RPA1: variants seen among roughly 807,000 people sequenced by gnomAD.
RPA1 encodes the protein replication protein A1.
RPA1 carries 49 observed loss-of-function variants against 83.0 expected under a neutral mutation model. The ratio of observed to expected loss-of-function variants is 0.59; its 90% CI spans 0.47 to 0.75. The LOEUF (loss-of-function observed/expected upper bound fraction) is 0.75. RPA1 is among the 30% of genes least tolerant of loss of function. The probability of loss-of-function intolerance (pLI) is 0.00; values close to 1 mark genes in which losing one functional copy is unlikely to be tolerated. For missense variants in RPA1, 693 were observed against 776.1 expected, an observed-to-expected ratio of 0.89 and a Z score of 1.27; for synonymous variants, 279 against 281.8, an observed-to-expected ratio of 0.99 and a Z score of 0.10.
chr17:1,877,467 C>T (rs370128129), intron 8 of RPA1, among the ~76,000 whole-genome samples, 153 bp downstream of exon 8: 4 of 152,118 alleles, frequency 2.6e-5, no homozygotes, highest in South Asian at 2.1e-4. Flanking sequence ...CTCAGCTCTG[C>T]GGGCCTATGA....
chr17:1,832,284 A>G (rs1436871727), intron 1 of RPA1, among the ~76,000 whole-genome samples: 3 of 151,816 alleles, frequency 2.0e-5, no homozygotes, highest in African/African-American at 7.3e-5. Flanking sequence ...ACTCTTCCCC[A>G]CACTGGCAAA....
intron 2 of RPA1, among the ~76,000 whole-genome samples, chr17:1,843,508 T>C (rs1376057827): frequency 1.3e-5 from 2 of 151,960 alleles, no homozygotes; most frequent in Non-Finnish European, 1.5e-5. Flanking sequence ...TCCACCCCAG[T>C]TGTTAGCTCC....
At chr17:1,895,193 C>T in intron 16 of RPA1, 98 bp downstream of exon 16, 2 of 894,958 alleles carry the variant, frequency 2.2e-6, no homozygotes, top group South Asian at 1.6e-5. Context: ...TTACTGTACT[C>T]ACTGCCAGAC....
rs185034591 is a variant in RPA1 at position 1,834,188 on chromosome 17, A to T, written c.33+4062A>T. On this transcript the variant is annotated intron_variant, in intron 1 of 16. Transcript: ENST00000254719. ...GAGTGAGACTGTCTCAAAAAAAAAT[A>T]AAGAATGATCATGGAGATATTTAAA... 2.3e-3 allele frequency among the ~76,000 whole-genome samples: 354 copies of T among 152,266 alleles called. 3 individuals are homozygous for T. The highest frequency in any genetic ancestry group is 1.9e-3 in the Non-Finnish European group (132 of 68,012).
rs182082744 is a variant in RPA1, at chr17:1,838,702, C to T, written c.34-4101C>T. ...CAGAAGTTTTATAGTTTTCGCTTTG[C>T]CTTGTGGTCTGTAATGCATTTCAAG... is the stretch of plus-strand genomic sequence containing the variant. On this transcript the variant is annotated intron_variant, in intron 1 of 16. Coordinates refer to ENST00000254719, the MANE Select transcript of RPA1 (RefSeq NM_002945.5). Among the ~76,000 whole-genome samples the T allele has an allele frequency of 5.3e-5, 8 of 151,902 alleles. No individual in the cohort carries two copies. The East Asian group carries it at 9.7e-4, about 18-fold the overall frequency.
At position 1,846,411 on chromosome 17, in the gene RPA1, G is replaced by A. The variant is rs565657949; in HGVS notation, c.272+1725G>A. ...GGGCTCACTGTAGCCTTGACCTCCC[G>A]GGCTCAGGTGATTCTCCCACCTCAG... On this transcript the variant is annotated intron_variant, in intron 4 of 16. Coordinates refer to ENST00000254719, the MANE Select transcript of RPA1 (RefSeq NM_002945.5). 7.9e-5 allele frequency among the ~76,000 whole-genome samples: 11 copies of A among 139,152 alleles called. 1 individual carries two copies. The East Asian group carries it at 2.4e-3, about 31-fold the overall frequency. The allele number at this position is 139,152 out of a possible 152,430, so 91.3% of individuals were successfully genotyped here. A position where few individuals can be genotyped will look rare whatever the true frequency, so the allele number is the denominator to read the frequency against.
intron 1 of RPA1, among the ~76,000 whole-genome samples, chr17:1,831,141 C>T (rs1300350245): frequency 6.6e-6 from 1 of 152,180 alleles, no homozygotes; most frequent in Non-Finnish European, 1.5e-5. Flanking sequence ...CACCTTTACT[C>T]TAAAAGACAA....
Position 1,851,249 on chromosome 17 carries a change from ATATGTGCGTGTG to A in RPA1, c.273-1839_273-1828del, listed in dbSNP as rs560097973. 2.2e-3 allele frequency among the ~76,000 whole-genome samples: 321 copies of A among 145,346 alleles called. 1 individual carries two copies. The highest frequency in any genetic ancestry group is 3.5e-3 in the Non-Finnish European group (234 of 66,338). ...CCGTGTTGTATTTCCATCTTGTTGT[ATATGTGCGTGTG>A]TATGTGCGTGTGCGTGTGTGTGTGT... On this transcript the variant is annotated intron_variant, in intron 4 of 16. Transcript: ENST00000254719.
intron 1 of RPA1, among the ~76,000 whole-genome samples, chr17:1,841,615 T>C (rs371317901): frequency 1.3e-5 from 2 of 152,316 alleles, no homozygotes; most frequent in South Asian, 2.1e-4. Context: ...TTTTAATCTT[T>C]ATGACTTTTT....
intron 15 of RPA1, 58 bp downstream of exon 15, chr17:1,891,998 AC>A: frequency 2.5e-6 from 3 of 1,190,520 alleles, no homozygotes; most frequent in Non-Finnish European, 3.6e-6. Context: ...ATTCTATAAC[AC>A]TGACCCCACA....
chr17:1,872,752 A>T (rs1913422964), intron 6 of RPA1, among the ~76,000 whole-genome samples: 1 of 129,964 alleles, frequency 7.7e-6, no homozygotes, highest in South Asian at 2.3e-4. Context: ...TTGCTCTGTC[A>T]GCGGGGCTGG....
chr17:1,846,992 CTG>C (rs1240955363), intron 4 of RPA1, among the ~76,000 whole-genome samples: 2 of 152,096 alleles, frequency 1.3e-5, no homozygotes, highest in Non-Finnish European at 2.9e-5. Context: ...CATCTTTTGA[CTG>C]TTAATTTGTT....
At chr17:1,874,063 A>T (rs1027496839) in intron 6 of RPA1, among the ~76,000 whole-genome samples, 8 of 142,818 alleles carry the variant, frequency 5.6e-5, no homozygotes, top group African/African-American at 1.8e-4. Context: ...ACACACACAC[A>T]CTTTTGAAGA....
chr17:1,853,022 C>A (rs1196240918), intron 4 of RPA1, 79 bp from the exon 5 acceptor site: 2 of 1,058,016 alleles, frequency 1.9e-6, no homozygotes, highest in African/African-American at 1.6e-5. Context: ...CAATGATCAT[C>A]GGGGAAAGCA....
Position 1,830,139 on chromosome 17 carries a change from C to T in RPA1, c.33+13C>T. On this transcript the variant is annotated intron_variant, in intron 1 of 16. Transcript: ENST00000254719. ...GGGGGCCATTGCGGTGAGGAGGTGC[C>T]GGGGGCTGGGCCGGCGGTCCGGGGT... 1 of 1,237,354 alleles carries T rather than the reference C, an allele frequency of 8.1e-7. No homozygotes were observed. 76.6% of individuals were successfully genotyped at this position (1,237,354 alleles called of 1,614,324 possible).
chr17:1,831,096 T>C (rs563523731), intron 1 of RPA1, among the ~76,000 whole-genome samples: 18 of 152,148 alleles, frequency 1.2e-4, no homozygotes, highest in Non-Finnish European at 2.5e-4. Flanking sequence ...TCTATTAATA[T>C]ATGTCAGTTG....
chr17:1,842,627 C>T (rs1912096279), intron 1 of RPA1, among the ~76,000 whole-genome samples, 176 bp from the exon 2 acceptor site: 1 of 152,066 alleles, frequency 6.6e-6, no homozygotes. Flanking sequence ...CACGTATCTC[C>T]CTCTTATCAT....
intron 4 of RPA1, among the ~76,000 whole-genome samples, chr17:1,846,613 G>C (rs1006068914): frequency 6.6e-6 from 1 of 151,982 alleles, no homozygotes; most frequent in African/African-American, 2.4e-5. Flanking sequence ...AGCCACCGTG[G>C]CCGGCCGTCC....
At chr17:1,859,127 T>C (rs952330055) in intron 5 of RPA1, among the ~76,000 whole-genome samples, 1 of 152,134 alleles carries the variant, frequency 6.6e-6, no homozygotes, top group African/African-American at 2.4e-5. Flanking sequence ...GGTGTCAAAC[T>C]CCTGACCTCG....
Sources: allele counts gnomAD v4.1 joint callset (sites outside exome capture counted in the v4.1 genomes callset), GRCh38; gene constraint gnomAD v4.1.1; transcripts MANE v1.5; gene names NCBI Gene and HGNC (gene_info 2026-07-23, HGNC 2026-07-21).